Variants in NAA40 observed in about 807,000 individuals in gnomAD.
NAA40 encodes N-alpha-acetyltransferase 40, NatD catalytic subunit.
NAA40 carries 26 observed loss-of-function variants against 36.6 expected under a neutral mutation model. The ratio of observed to expected loss-of-function variants is 0.71; its 90% confidence interval spans 0.52 to 0.98. The LOEUF is 0.98. Among genes scored for constraint, NAA40 ranks in the 50% least tolerant of loss-of-function variants. The pLI is 0.00. For missense variants in NAA40, 237 were observed against 306.5 expected, an observed-to-expected ratio of 0.77 and a Z score of 1.69; for synonymous variants, 129 against 108.4, an observed-to-expected ratio of 1.19 and a Z score of -1.18.
intron 3 of NAA40, 100 bp downstream of exon 3, chr11:63,947,103 CT>C: frequency 3.1e-6 from 4 of 1,302,504 alleles, no homozygotes; most frequent in Non-Finnish European, 4.4e-6. Flanking sequence ...TCTCATTGTT[CT>C]TCGTATTTAC....
chr11:63,954,253 G>A, intron 7 of NAA40, 85 bp from the exon 8 acceptor site: 1 of 1,512,136 alleles, frequency 6.6e-7, no homozygotes, highest in Non-Finnish European at 8.9e-7. Context: ...GGTCTCATCA[G>A]TGTGGCTGGT....
rs902336511 is a variant in NAA40, at chr11:63,956,418, G to C, written c.*1939G>C. 3.3e-5 allele frequency: 5 copies of C among 152,358 alleles called. No homozygotes were observed. Among genetic ancestry groups the C allele is most frequent in the African/African-American group, 1.2e-4 (5 of 41,456 alleles). 9.4% of individuals were successfully genotyped at this position (152,358 alleles called of 1,614,324 possible). On this transcript the variant is annotated 3_prime_UTR_variant, in exon 8 of 8. Transcript: ENST00000377793. Reference sequence around the variant, plus strand: ...AGGGGACCAAAAGGGACCCCCCCGTGTTCATCCCTTGTAAGGTGAGTTCAG... The same window carrying C: ...AGGGGACCAAAAGGGACCCCCCCGTCTTCATCCCTTGTAAGGTGAGTTCAG...
chr11:63,945,759 G>T, intron 1 of NAA40, 81 bp from the exon 2 acceptor site: 3 of 1,203,558 alleles, frequency 2.5e-6, no homozygotes, highest in Middle Eastern at 2.1e-4. Flanking sequence ...GTGGATGCAG[G>T]GCCCTTCGAT....
intron 1 of NAA40, 103 bp downstream of exon 1, chr11:63,939,205 C>T: frequency 8.3e-7 from 1 of 1,202,342 alleles, no homozygotes; most frequent in Admixed American, 3.0e-5. Flanking sequence ...CGACCCCCTC[C>T]AGCCTCACGT....
At chr11:63,953,159 C>G (rs993543842) in intron 6 of NAA40, among the ~76,000 whole-genome samples, 6 of 147,202 alleles carry the variant, frequency 4.1e-5, no homozygotes, top group African/African-American at 2.5e-5. Flanking sequence ...AGCAATTCTT[C>G]TGCTCAGCCT....
At chr11:63,952,366 C>T in intron 4 of NAA40, 33 bp downstream of exon 4, 1 of 1,613,232 alleles carries the variant, frequency 6.2e-7, no homozygotes, top group South Asian at 1.1e-5. Flanking sequence ...AGCCTAGTTC[C>T]TCTCGCAGCT....
intron 7 of NAA40, 51 bp from the exon 8 acceptor site, chr11:63,954,287 G>T: frequency 6.5e-7 from 1 of 1,542,896 alleles, no homozygotes. Context: ...GGCCAGGGAG[G>T]AAGGCACTCA....
rs996149852 is a variant in NAA40, at chr11:63,954,117, G to A, written c.572+68G>A. On this transcript the variant is annotated intron_variant, in intron 7 of 7. Coordinates refer to ENST00000377793, the MANE Select transcript of NAA40 (RefSeq NM_024771.4). ...TGCCCAGGGCCATTTTTCTGGTCCT[G>A]GCCCTCACTCATTCTGATGCCTGAG... The A allele has an allele frequency of 1.3e-4, 205 of 1,526,698 alleles. 5 individuals carry two copies. The South Asian group carries it at 2.2e-3, about 17-fold the overall frequency. The allele number at this position is 1,526,698 out of a possible 1,614,324, so 94.6% of individuals were successfully genotyped here.
At chr11:63,952,912 C>T (rs554108121) in intron 6 of NAA40, 73 bp downstream of exon 6, 1 of 1,356,050 alleles carries the variant, frequency 7.4e-7, no homozygotes, top group Non-Finnish European at 1.0e-6. Flanking sequence ...ACTTGCCATT[C>T]TTTGAGCCTT....
chr11:63,945,787 A>G, intron 1 of NAA40, 53 bp from the exon 2 acceptor site: 3 of 1,491,040 alleles, frequency 2.0e-6, no homozygotes, highest in Non-Finnish European at 2.8e-6. Flanking sequence ...AGGGAAAGTC[A>G]GTGCTTGATT....
chr11:63,952,190 G>C, intron 3 of NAA40, 48 bp from the exon 4 acceptor site: 1 of 1,411,370 alleles, frequency 7.1e-7, no homozygotes, highest in South Asian at 1.2e-5. Flanking sequence ...GCAGTGCCCT[G>C]GCAGGAGTGC....
At position 63,952,319 on chromosome 11, in the gene NAA40, G is replaced by A. The variant is rs779997248; in HGVS notation, c.237G>A (p.Thr79=). ...ATTGGGCCTTCGACCTGACCAAAAC[G>A]AATATGCAAACCATGTAAGCTTGTC... ...TVDWAFDLTK[T]NMQTMYEQSE... Residue 79 remains threonine, a synonymous_variant, in exon 4 of 8, where the codon ACG becomes ACA. Transcript: ENST00000377793. The A allele has an allele frequency of 9.9e-6, 16 of 1,613,818 alleles. No homozygotes were observed. The highest frequency in any genetic ancestry group is 3.3e-5 in the South Asian group (3 of 91,060).
intron 3 of NAA40, among the ~76,000 whole-genome samples, chr11:63,949,347 G>C (rs1234380143): frequency 3.3e-5 from 5 of 152,060 alleles, no homozygotes; most frequent in Middle Eastern, 3.2e-3. Flanking sequence ...TAGATTCGCG[G>C]GGTACATGTG....
At position 63,945,846 on chromosome 11, in the gene NAA40, T is replaced by A. The variant is rs1177168120; in HGVS notation, c.13T>A (p.Ser5Thr). 1 of 1,613,880 alleles carries A rather than the reference T, an allele frequency of 6.2e-7. No individual in the cohort carries two copies. The highest frequency in any genetic ancestry group is 8.5e-7 in the Non-Finnish European group (1 of 1,179,972). The change falls in exon 2 of 8, where the codon TCA becomes ACA. Residue 5 changes from serine (S) to threonine (T), a missense_variant. Physicochemically the swap from Ser to Thr is moderately conservative, Grantham distance 58. Transcript: ENST00000377793. Reference protein sequence around the residue: MGRKSSKAKEKKQKR... With the variant: MGRKTSKAKEKKQKR... ...TTGCTTTTCCCTGTTGCAGAGAAAG[T>A]CAAGCAAAGCCAAGGAGAAGAAGCA...
intron 7 of NAA40, 63 bp from the exon 8 acceptor site, chr11:63,954,275 C>T (rs1305896728): frequency 2.4e-5 from 36 of 1,531,464 alleles, no homozygotes; most frequent in Admixed American, 1.0e-4. Context: ...GAAGAGTTCT[C>T]GGGCCAGGGA....
At chr11:63,953,356 T>A (rs116445296) in intron 6 of NAA40, among the ~76,000 whole-genome samples, 5 of 152,106 alleles carry the variant, frequency 3.3e-5, no homozygotes, top group Non-Finnish European at 7.4e-5. Flanking sequence ...GTGAGCATCT[T>A]TTGAGTTTCT....
chr11:63,948,898 G>A (rs765604887), intron 3 of NAA40, among the ~76,000 whole-genome samples: 19 of 151,426 alleles, frequency 1.3e-4, no homozygotes, highest in South Asian at 8.4e-4. Context: ...AATGGGCCTG[G>A]GCCAGGTGTG....
chr11:63,943,837 G>T (rs1942144615), intron 1 of NAA40, among the ~76,000 whole-genome samples: 1 of 152,094 alleles, frequency 6.6e-6, no homozygotes, highest in South Asian at 2.1e-4. Context: ...TGTTTGTAAA[G>T]GTACTTTGCA....
intron 1 of NAA40, 122 bp downstream of exon 1, chr11:63,939,224 AC>A: frequency 3.0e-6 from 3 of 989,856 alleles, no homozygotes; most frequent in Non-Finnish European, 3.8e-6. Context: ...GTGACCCCTG[AC>A]CCCCACATGA....
Sources: gnomAD v4.1 joint callset for allele counts (sites outside exome capture counted in the v4.1 genomes callset) on GRCh38, gnomAD v4.1.1 for gene constraint, MANE v1.5 for transcripts, NCBI Gene and HGNC (gene_info 2026-07-23, HGNC 2026-07-21) for gene names.